Variants in CDH8 observed in about 807,000 individuals in gnomAD.
CDH8 encodes the protein cadherin-8.
In CDH8, 17 loss-of-function variants were observed where a neutral mutation model predicts 68.1. The observed-to-expected ratio is 0.25, with a 90% confidence interval of 0.17 to 0.37. CDH8 has a LOEUF of 0.37. Ranked by LOEUF, CDH8 falls within the 10% of genes least tolerant of loss-of-function variation. CDH8 has a pLI of 1.00. For missense variants in CDH8, 763 were observed against 999.3 expected (o/e 0.76, Z 3.19); for synonymous variants, 372 against 365.1 (o/e 1.02, Z -0.21).
At chr16:61,735,187 C>A (rs1382646632) in intron 8 of CDH8, among the ~76,000 whole-genome samples, 1 of 152,094 alleles carries the variant, frequency 6.6e-6, no homozygotes, top group Non-Finnish European at 1.5e-5. Context: ...TACTTAATTA[C>A]ATCTACATAG....
At chr16:61,673,333 T>C (rs529220122) in intron 10 of CDH8, among the ~76,000 whole-genome samples, 1 of 152,264 alleles carries the variant, frequency 6.6e-6, no homozygotes, top group East Asian at 1.9e-4. Flanking sequence ...AGAGAAATAT[T>C]TAGTGTCCTC....
chr16:61,827,471 T>G (rs1434259778), intron 4 of CDH8, among the ~76,000 whole-genome samples: 5 of 151,924 alleles, frequency 3.3e-5, no homozygotes, highest in Non-Finnish European at 5.9e-5. Context: ...CAAAAAAGAT[T>G]GGTATGTATT....
intron 4 of CDH8, among the ~76,000 whole-genome samples, chr16:61,842,999 G>C (rs1962721178): frequency 6.6e-6 from 1 of 152,164 alleles, no homozygotes; most frequent in East Asian, 1.9e-4. Context: ...TGTAGCAAAT[G>C]TTCAGAAACC....
intron 2 of CDH8, among the ~76,000 whole-genome samples, chr16:62,011,554 C>CA (rs1257746515): frequency 6.6e-6 from 1 of 151,960 alleles, no homozygotes; most frequent in Non-Finnish European, 1.5e-5. Context: ...GTACAGAGAG[C>CA]AAAAAAGCAT....
chr16:61,929,233 A>G (rs1023284138), intron 2 of CDH8, among the ~76,000 whole-genome samples: 4 of 152,010 alleles, frequency 2.6e-5, no homozygotes, highest in African/African-American at 7.2e-5. Flanking sequence ...TACCTGTTGT[A>G]AACTCCTGTG....
chr16:61,886,980 G>A (rs544273993), intron 3 of CDH8, among the ~76,000 whole-genome samples: 4 of 152,310 alleles, frequency 2.6e-5, no homozygotes, highest in Non-Finnish European at 4.4e-5. Context: ...GCCACTCAGC[G>A]GATGTTGGAC....
chr16:61,747,152 C>G (rs1176517467), intron 8 of CDH8, among the ~76,000 whole-genome samples: 2 of 152,042 alleles, frequency 1.3e-5, no homozygotes, highest in Non-Finnish European at 2.9e-5. Flanking sequence ...ATAAAATCAT[C>G]CGTCCATCTA....
chr16:61,684,838 A>T (rs1171874168), intron 10 of CDH8, among the ~76,000 whole-genome samples: 1 of 151,958 alleles, frequency 6.6e-6, no homozygotes, highest in Non-Finnish European at 1.5e-5. Flanking sequence ...GCAGCTGAAC[A>T]TCATTAATGG....
chr16:61,903,921 T>G (rs1457051631), intron 2 of CDH8, among the ~76,000 whole-genome samples: 1 of 151,222 alleles, frequency 6.6e-6, no homozygotes, highest in Non-Finnish European at 1.5e-5. Flanking sequence ...CAAGACTCCA[T>G]TCAAAAACAG....
At chr16:61,861,088 G>A (rs1963141482) in intron 3 of CDH8, among the ~76,000 whole-genome samples, 3 of 152,084 alleles carry the variant, frequency 2.0e-5, no homozygotes, top group Admixed American at 1.3e-4. Context: ...CTAAGCCAGT[G>A]AGTACTAAAT....
intron 9 of CDH8, among the ~76,000 whole-genome samples, chr16:61,714,618 G>C (rs538689308): frequency 6.6e-6 from 1 of 151,678 alleles, no homozygotes; most frequent in African/African-American, 2.4e-5. Context: ...CTTGGAATCG[G>C]TGCTTATTAA....
Position 62,020,809 on chromosome 16 carries a change from C to T in CDH8, c.252+343G>A, listed in dbSNP as rs534418533. Among the ~76,000 whole-genome samples the T allele has an allele frequency of 9.8e-4, 149 of 152,226 alleles. 1 individual carries two copies. The highest frequency in any genetic ancestry group is 2.9e-3 in the African/African-American group (121 of 41,536). On this transcript the variant is annotated intron_variant, in intron 2 of 11. Coordinates refer to ENST00000577390, the MANE Select transcript of CDH8 (RefSeq NM_001796.5). ...TAGGAATTCAAACTGAGAAAATGTG[C>T]GTATCTCTTCCAAGTACTATAAACT...
intron 1 of CDH8, among the ~76,000 whole-genome samples, chr16:62,035,707 A>T (rs1902440476): frequency 6.6e-6 from 1 of 152,000 alleles, no homozygotes; most frequent in South Asian, 2.1e-4. Flanking sequence ...CGGACCCCGC[A>T]GTGAAGGCGC....
chr16:61,747,114 A>G (rs562330348), intron 8 of CDH8, among the ~76,000 whole-genome samples: 17 of 152,100 alleles, frequency 1.1e-4, no homozygotes, highest in Non-Finnish European at 2.4e-4. Context: ...TTTATACATT[A>G]CTACTTCCTC....
At chr16:61,935,852 T>C (rs369109880) in intron 2 of CDH8, among the ~76,000 whole-genome samples, 9 of 152,222 alleles carry the variant, frequency 5.9e-5, no homozygotes, top group East Asian at 3.9e-4. Context: ...TGGAAAGCTG[T>C]TCATTATTTT....
At chr16:62,021,077 TAA>T (rs924830858) in intron 2 of CDH8, 73 bp downstream of exon 2, 6 of 1,298,058 alleles carry the variant, frequency 4.6e-6, no homozygotes, top group Non-Finnish European at 6.5e-6. Flanking sequence ...TGGTCACAAT[TAA>T]AAAGAGTCTG....
At chr16:61,839,209 CT>C (rs940009341) in intron 4 of CDH8, among the ~76,000 whole-genome samples, 11 of 152,102 alleles carry the variant, frequency 7.2e-5, no homozygotes, top group East Asian at 1.9e-4. Context: ...AGATCTTTAA[CT>C]TTTTTTTCCT....
chr16:61,688,554 A>T (rs910367158), intron 10 of CDH8, among the ~76,000 whole-genome samples: 4 of 151,852 alleles, frequency 2.6e-5, no homozygotes, highest in African/African-American at 9.7e-5. Context: ...AATAATCCCA[A>T]ATGCAGCAGT....
chr16:61,884,664 G>T (rs1326390636), intron 3 of CDH8, among the ~76,000 whole-genome samples: 1 of 152,216 alleles, frequency 6.6e-6, no homozygotes, highest in Non-Finnish European at 1.5e-5. Flanking sequence ...GTGAGCCACT[G>T]CACTTGGACC....
Sources: gnomAD v4.1 joint callset for allele counts (sites outside exome capture counted in the v4.1 genomes callset) on GRCh38, gnomAD v4.1.1 for gene constraint, MANE v1.5 for transcripts, NCBI Gene and HGNC (gene_info 2026-07-23, HGNC 2026-07-21) for gene names.